The following FOXI2 variants were observed in gnomAD, a reference collection of about 807,000 sequenced individuals.
FOXI2 encodes forkhead box I2.
In FOXI2, 17 loss-of-function variants were observed where a neutral mutation model predicts 14.3. The observed-to-expected ratio is 1.19, with a 90% CI of 0.81 to 1.78. The LOEUF is 1.78. Ranked by LOEUF, FOXI2 falls within the 40% of genes most tolerant of loss-of-function variation. FOXI2 has a pLI of 0.00. For missense variants in FOXI2, 541 were observed against 460.0 expected, an observed-to-expected ratio of 1.18 and a Z score of -1.61; for synonymous variants, 240 against 218.8, an observed-to-expected ratio of 1.10 and a Z score of -0.85.
rs144354907 is a variant in FOXI2, at chr10:127,739,179, C to T, written c.*214C>T. On this transcript the variant is annotated 3_prime_UTR_variant, in exon 2 of 2. Transcript: ENST00000388920. ...TTCTGCTGTGCACCCCTCACCCAGG[C>T]GACCTTCGGAACCTCCCTGCTCTGC... The T allele has an allele frequency of 3.7e-6, 2 of 538,164 alleles. No homozygotes were observed. Among genetic ancestry groups the T allele is most frequent in the Admixed American group, 3.7e-5 (1 of 27,196 alleles). 33.3% of individuals were successfully genotyped at this position (538,164 alleles called of 1,614,324 possible).
Position 127,737,343 on chromosome 10 carries a change from C to T in FOXI2, c.70C>T (p.Pro24Ser). Reference sequence around the variant, plus strand: ...CGGCCAGGCCCAGGCCACCGCGCACCCCCCGGGCTATGAGCCAGGGGATCT... The same window carrying T: ...CGGCCAGGCCCAGGCCACCGCGCACTCCCCGGGCTATGAGCCAGGGGATCT... Reference protein sequence around the residue: ...PPGQAQATAHPPGYEPGDLGA... With the variant: ...PPGQAQATAHSPGYEPGDLGA... The change falls in exon 1 of 2, where the codon CCC (proline) becomes TCC (serine). Residue 24 changes from proline (P) to serine (S), a missense_variant. By Grantham distance (74) the Pro-to-Ser change is moderately conservative. Transcript: ENST00000388920. 7.0e-7 allele frequency: 1 copy of T among 1,430,544 alleles called. No individual in the cohort carries two copies. The highest frequency in any genetic ancestry group is 9.0e-7 in the Non-Finnish European group (1 of 1,107,106). 88.6% of individuals were successfully genotyped at this position (1,430,544 alleles called of 1,614,324 possible). A position where few individuals can be genotyped will look rare whatever the true frequency, so the allele number is the denominator to read the frequency against.
chr10:127,738,904 C>T lies in FOXI2; in HGVS notation c.896C>T (p.Thr299Ile). The T allele has an allele frequency of 1.9e-6, 3 of 1,604,226 alleles. No homozygotes were observed. Among genetic ancestry groups the T allele is most frequent in the Admixed American group, 1.7e-5 (1 of 59,904 alleles). ...CCTGGCTTCGCCCCTGGCCACCAGA[C>T]CGCGGCCGCCGGCTTCCGCCTCAGT... ...PSPGFAPGHQTAAAGFRLSHL... is the reference protein window; with the variant it reads ...PSPGFAPGHQIAAAGFRLSHL... The change falls in exon 2 of 2, where the codon ACC becomes ATC. Residue 299 changes from threonine (T) to isoleucine (I), a missense_variant. Coordinates refer to ENST00000388920, the MANE Select transcript of FOXI2 (RefSeq NM_207426.3).
In FOXI2 at chr10:127,740,010, ACT is replaced by A. The variant is rs1846492697; in HGVS notation, c.*1046_*1047del. ...ACACTCACACCACACCCACACTCAC[ACT>A]GACACCCACACTCACACCCACACTC... is the stretch of plus-strand genomic sequence containing the variant. On this transcript the variant is annotated 3_prime_UTR_variant, in exon 2 of 2. Coordinates refer to ENST00000388920, the MANE Select transcript of FOXI2 (RefSeq NM_207426.3). The A allele has an allele frequency of 1.6e-5, 2 of 123,522 alleles. No homozygotes were observed. Among genetic ancestry groups the A allele is most frequent in the Non-Finnish European group, 3.3e-5 (2 of 60,574 alleles). The allele number at this position is 123,522 out of a possible 1,614,324, so 7.7% of individuals were successfully genotyped here.
Position 127,740,119 on chromosome 10 carries a change from T to TCACACTCACACC in FOXI2, c.*1159_*1160insTCACACCCACAC, listed in dbSNP as rs1184898672. The TCACACTCACACC allele has an allele frequency of 1.1e-4, 3 of 26,970 alleles. No individual in the cohort carries two copies. Among genetic ancestry groups the TCACACTCACACC allele is most frequent in the Non-Finnish European group, 2.3e-4 (3 of 12,892 alleles). 1.7% of individuals were successfully genotyped at this position (26,970 alleles called of 1,614,324 possible). On this transcript the variant is annotated 3_prime_UTR_variant, in exon 2 of 2. Transcript: ENST00000388920. ...ACTCACACCCACACTCACACCACAC[T>TCACACTCACACC]CACACCCACACACACCCACACTCAT...
At position 127,737,663 on chromosome 10, in the gene FOXI2, G is replaced by C. The variant is rs1300293395; in HGVS notation, c.390G>C (p.Gln130His). The part of the protein sequence containing the change: ...LRKLTLSQIY[Q>H]YVAGNFPFYK... The stretch of plus-strand genomic sequence containing the variant: ...AGCTGACGCTCAGCCAGATCTACCA[G>C]TACGTGGCTGGTAACTTCCCTTTCT... The change falls in exon 1 of 2, where the codon CAG (glutamine) becomes CAC (histidine). Residue 130 changes from glutamine to histidine, a missense_variant. Physicochemically the swap from Gln to His is conservative, Grantham distance 24. Transcript: ENST00000388920. 5.0e-6 allele frequency: 8 copies of C among 1,592,110 alleles called. No individual in the cohort carries two copies. The highest frequency in any genetic ancestry group is 1.7e-4 in the Middle Eastern group (1 of 6,060).
In FOXI2 at chr10:127,740,983, A is replaced by C. The variant is rs1367629433; in HGVS notation, c.*2018A>C. 6.6e-6 allele frequency: 1 copy of C among 152,174 alleles called. No homozygotes were observed. The highest frequency in any genetic ancestry group is 6.5e-5 in the Admixed American group (1 of 15,286). 9.4% of individuals were successfully genotyped at this position (152,174 alleles called of 1,614,324 possible). On this transcript the variant is annotated 3_prime_UTR_variant, in exon 2 of 2. Transcript: ENST00000388920. ...TCCACAAGCAGGTGAGCAGAGTGCC[A>C]GTTGTGTTGAAGGTGATGATGTCGC... is the stretch of plus-strand genomic sequence containing the variant.
Position 127,738,707 on chromosome 10 carries a change from G to A in FOXI2, c.699G>A (p.Ser233=). 6.3e-7 allele frequency: 1 copy of A among 1,597,118 alleles called. No homozygotes were observed. The highest frequency in any genetic ancestry group is 8.5e-7 in the Non-Finnish European group (1 of 1,172,470). The change falls in exon 2 of 2, where the codon TCG becomes TCA. Residue 233 remains serine (S), a synonymous_variant. Coordinates refer to ENST00000388920, the MANE Select transcript of FOXI2 (RefSeq NM_207426.3). ...PSAACLDLQA[S]PSPSAPEAAT... is the part of the protein sequence containing the mutation. Reference sequence around the variant, plus strand: ...CGGCTTGCCTGGACCTGCAGGCCTCGCCCTCTCCATCCGCACCCGAGGCCG... The same window carrying A: ...CGGCTTGCCTGGACCTGCAGGCCTCACCCTCTCCATCCGCACCCGAGGCCG...
In FOXI2 at chr10:127,737,510, C is replaced by A. The variant is rs1172023267; in HGVS notation, c.237C>A (p.Gly79=). Residue 79 remains glycine (G), a synonymous_variant, in exon 1 of 2, where the codon GGC becomes GGA. Transcript: ENST00000388920. ...CCGGCCCGCTCCTCGGCGCCCCGGG[C>A]GGCCTGGCGGGCGCCGACCTCGCCT... is the stretch of plus-strand genomic sequence containing the variant. ...GAPGPLLGAP[G]GLAGADLAWL... 1.4e-6 allele frequency: 2 copies of A among 1,410,474 alleles called. No individual in the cohort carries two copies. The highest frequency in any genetic ancestry group is 3.0e-5 in the African/African-American group (2 of 65,640). The allele number at this position is 1,410,474 out of a possible 1,614,324, so 87.4% of individuals were successfully genotyped here. A position where few individuals can be genotyped will look rare whatever the true frequency, so the allele number is the denominator to read the frequency against.
rs1846516249 is a variant in FOXI2 at position 127,740,850 on chromosome 10, G to C, written c.*1885G>C. The stretch of plus-strand genomic sequence containing the variant: ...CAGAGAGGGAGGGAGAAGGAAGGAG[G>C]CGGGGGAACATGGAGAGAAGGAGCC... On this transcript the variant is annotated 3_prime_UTR_variant, in exon 2 of 2. Coordinates refer to ENST00000388920, the MANE Select transcript of FOXI2 (RefSeq NM_207426.3). 1 of 149,688 alleles carries C rather than the reference G, an allele frequency of 6.7e-6. No homozygotes were observed. The highest frequency in any genetic ancestry group is 6.7e-5 in the Admixed American group (1 of 14,828). 9.3% of individuals were successfully genotyped at this position (149,688 alleles called of 1,614,324 possible).
At chr10:127,738,413 C>A in intron 1 of FOXI2, 107 bp from the exon 2 acceptor site, 1 of 858,212 alleles carries the variant, frequency 1.2e-6, no homozygotes, top group Non-Finnish European at 1.8e-6. Context: ...CTCAGACCCT[C>A]TGTAAGGGCC....
In FOXI2 at chr10:127,740,577, A is replaced by T. The variant is rs907404336; in HGVS notation, c.*1612A>T. ...ACCTATCTTCCCTGCATTTTGGGGGAGGGTGGGAGGGGTCCTTCCCAGGAA... is the reference window on the plus strand; with the variant it reads ...ACCTATCTTCCCTGCATTTTGGGGGTGGGTGGGAGGGGTCCTTCCCAGGAA... On this transcript the variant is annotated 3_prime_UTR_variant, in exon 2 of 2. Transcript: ENST00000388920. 1.3e-4 allele frequency: 3 copies of T among 22,502 alleles called. No individual in the cohort carries two copies. Among genetic ancestry groups the T allele is most frequent in the South Asian group, 1.7e-3 (1 of 580 alleles). 1.4% of individuals were successfully genotyped at this position (22,502 alleles called of 1,614,324 possible).
chr10:127,739,759 C>T lies in FOXI2; in HGVS notation c.*794C>T, dbSNP rs1402673909. 6.6e-6 allele frequency: 1 copy of T among 151,376 alleles called. No homozygotes were observed. The highest frequency in any genetic ancestry group is 1.5e-5 in the Non-Finnish European group (1 of 68,174). The allele number at this position is 151,376 out of a possible 1,614,324, so 9.4% of individuals were successfully genotyped here. A position where few individuals can be genotyped will look rare whatever the true frequency, so the allele number is the denominator to read the frequency against. ...AGCACCCAGGAGTTCCCCAAGGGTC[C>T]AGGTTTGTGCCACCCACACCCACAC... On this transcript the variant is annotated 3_prime_UTR_variant, in exon 2 of 2. Transcript: ENST00000388920.
chr10:127,737,531 C>T lies in FOXI2; in HGVS notation c.258C>T (p.Leu86=), dbSNP rs573556148. Residue 86 remains leucine (L), a synonymous_variant, in exon 1 of 2, where the codon CTC becomes CTT. Coordinates refer to ENST00000388920, the MANE Select transcript of FOXI2 (RefSeq NM_207426.3). ...CGGGCGGCCTGGCGGGCGCCGACCTCGCCTGGCTGAGCCTCTCCGGCCAGC... is the reference window on the plus strand; with the variant it reads ...CGGGCGGCCTGGCGGGCGCCGACCTTGCCTGGCTGAGCCTCTCCGGCCAGC... The part of the protein sequence containing the change: ...GAPGGLAGAD[L]AWLSLSGQQE... 172 of 1,472,026 alleles carry T rather than the reference C, an allele frequency of 1.2e-4. No homozygotes were observed. In the East Asian group the frequency reaches 4.6e-3, roughly 40 times the overall value. 91.2% of individuals were successfully genotyped at this position (1,472,026 alleles called of 1,614,324 possible). A position where few individuals can be genotyped will look rare whatever the true frequency, so the allele number is the denominator to read the frequency against.
Position 127,738,907 on chromosome 10 carries a change from C to G in FOXI2, c.899C>G (p.Ala300Gly). 6.2e-7 allele frequency: 1 copy of G among 1,604,002 alleles called. No homozygotes were observed. Among genetic ancestry groups the G allele is most frequent in the Non-Finnish European group, 8.5e-7 (1 of 1,179,318 alleles). The change falls in exon 2 of 2, where the codon GCG (alanine) becomes GGG (glycine). Residue 300 changes from alanine to glycine, a missense_variant. Coordinates refer to ENST00000388920, the MANE Select transcript of FOXI2 (RefSeq NM_207426.3). The part of the protein sequence containing the change: ...SPGFAPGHQT[A>G]AAGFRLSHLL... Reference sequence around the variant, plus strand: ...GGCTTCGCCCCTGGCCACCAGACCGCGGCCGCCGGCTTCCGCCTCAGTCAC... The same window carrying G: ...GGCTTCGCCCCTGGCCACCAGACCGGGGCCGCCGGCTTCCGCCTCAGTCAC...
Position 127,737,492 on chromosome 10 carries a change from G to A in FOXI2, c.219G>A (p.Pro73=), listed in dbSNP as rs1183521069. 5.7e-6 allele frequency: 8 copies of A among 1,395,902 alleles called. No individual in the cohort carries two copies. The highest frequency in any genetic ancestry group is 3.7e-5 in the Admixed American group (1 of 26,994). The allele number at this position is 1,395,902 out of a possible 1,614,324, so 86.5% of individuals were successfully genotyped here. The part of the protein sequence containing the change: ...YAAPSYGAPG[P]LLGAPGGLAG... Reference sequence around the variant, plus strand: ...CCCCGAGCTACGGGGCTCCCGGCCCGCTCCTCGGCGCCCCGGGCGGCCTGG... The same window carrying A: ...CCCCGAGCTACGGGGCTCCCGGCCCACTCCTCGGCGCCCCGGGCGGCCTGG... The change falls in exon 1 of 2, where the codon CCG becomes CCA. Residue 73 remains proline (P), a synonymous_variant. Transcript: ENST00000388920.
In FOXI2 at chr10:127,737,630, G is replaced by A; in HGVS notation, c.357G>A (p.Pro119=). The change falls in exon 1 of 2, where the codon CCG becomes CCA. Residue 119 remains proline, a synonymous_variant. Coordinates refer to ENST00000388920, the MANE Select transcript of FOXI2 (RefSeq NM_207426.3). The stretch of plus-strand genomic sequence containing the variant: ...TCGCCATGGCCATCCAGAGCGCGCC[G>A]CTGCGGAAGCTGACGCTCAGCCAGA... The part of the protein sequence containing the change: ...ALIAMAIQSA[P]LRKLTLSQIY... The A allele has an allele frequency of 6.4e-7, 1 of 1,568,518 alleles. No individual in the cohort carries two copies. The highest frequency in any genetic ancestry group is 8.6e-7 in the Non-Finnish European group (1 of 1,157,388).
At position 127,737,554 on chromosome 10, in the gene FOXI2, A is replaced by T; in HGVS notation, c.281A>T (p.Gln94Leu). Residue 94 changes from glutamine (Q) to leucine (L), a missense_variant, in exon 1 of 2, where the codon CAG (glutamine) becomes CTG (leucine). Transcript: ENST00000388920. The part of the protein sequence containing the change: ...ADLAWLSLSG[Q>L]QELLRLVRPP... ...CTCGCCTGGCTGAGCCTCTCCGGCC[A>T]GCAGGAGCTGCTGAGGCTGGTGCGG... 1 of 1,532,596 alleles carries T rather than the reference A, an allele frequency of 6.5e-7. No homozygotes were observed. Among genetic ancestry groups the T allele is most frequent in the Non-Finnish European group, 8.8e-7 (1 of 1,138,840 alleles). The allele number at this position is 1,532,596 out of a possible 1,614,324, so 94.9% of individuals were successfully genotyped here.
At position 127,740,119 on chromosome 10, in the gene FOXI2, T is replaced by TCACACCACA. The variant is rs1564749574; in HGVS notation, c.*1160_*1161insACACACACC. 3.7e-5 allele frequency: 1 copy of TCACACCACA among 26,970 alleles called. No individual in the cohort carries two copies. The highest frequency in any genetic ancestry group is 7.8e-5 in the Non-Finnish European group (1 of 12,892). The allele number at this position is 26,970 out of a possible 1,614,324, so 1.7% of individuals were successfully genotyped here. On this transcript the variant is annotated 3_prime_UTR_variant, in exon 2 of 2. Coordinates refer to ENST00000388920, the MANE Select transcript of FOXI2 (RefSeq NM_207426.3). Reference sequence around the variant, plus strand: ...ACTCACACCCACACTCACACCACACTCACACCCACACACACCCACACTCAT... The same window carrying TCACACCACA: ...ACTCACACCCACACTCACACCACACTCACACCACACACACCCACACACACCCACACTCAT...
intron 1 of FOXI2, among the ~76,000 whole-genome samples, chr10:127,738,068 C>T (rs909002138): frequency 6.6e-6 from 1 of 152,136 alleles, no homozygotes; most frequent in Non-Finnish European, 1.5e-5. Context: ...AGCTGGGTGA[C>T]CTTGGGAGTG....
Sources: gnomAD v4.1 joint callset for allele counts (sites outside exome capture counted in the v4.1 genomes callset) on GRCh38, gnomAD v4.1.1 for gene constraint, MANE v1.5 for transcripts, NCBI Gene and HGNC (gene_info 2026-07-23, HGNC 2026-07-21) for gene names.